Variants in ASIC2 observed in about 807,000 individuals in gnomAD.
The protein encoded by ASIC2 is acid sensing ion channel subunit 2, also known as acid-sensing ion channel 2.
In ASIC2, 25 loss-of-function variants were observed where a neutral mutation model predicts 57.3. That is an observed-to-expected ratio of 0.44 (90% CI 0.32 to 0.61). The LOEUF (loss-of-function observed/expected upper bound fraction) is 0.61, where lower values mean the gene tolerates loss of function less well. Among genes scored for constraint, ASIC2 ranks in the 20% least tolerant of loss-of-function variants. The pLI is 0.06. For missense variants in ASIC2, 641 were observed against 738.1 expected (o/e 0.87, Z 1.52); for synonymous variants, 319 against 307.5 (o/e 1.04, Z -0.39).
chr17:33,362,695 G>T (rs1237287268), intron 1 of ASIC2, among the ~76,000 whole-genome samples: 2 of 152,226 alleles, frequency 1.3e-5, no homozygotes, highest in Non-Finnish European at 2.9e-5. Flanking sequence ...ACTGACCCTT[G>T]TGCCTCTCCA....
intron 2 of ASIC2, among the ~76,000 whole-genome samples, chr17:33,096,875 G>A (rs1452842253): frequency 6.6e-6 from 1 of 152,200 alleles, no homozygotes; most frequent in South Asian, 2.1e-4. Flanking sequence ...ACACTGGGGC[G>A]CTTCAAGAAC....
chr17:33,118,266 G>A (rs1358959669), intron 1 of ASIC2, among the ~76,000 whole-genome samples: 1 of 152,164 alleles, frequency 6.6e-6, no homozygotes, highest in East Asian at 1.9e-4. Context: ...GAAATCACAG[G>A]CTGGCTTTGC....
At position 33,266,248 on chromosome 17, in the gene ASIC2, T is replaced by TC. The variant is rs1330828372; in HGVS notation, c.708+25159dup. On this transcript the variant is annotated intron_variant, in intron 1 of 9. Transcript: ENST00000225823. Reference sequence around the variant, plus strand: ...CACATGTGTTTTTATCCTCCCCCCATCCAGAACATAAACCCCAGGGGGCAG... The same window carrying TC: ...CACATGTGTTTTTATCCTCCCCCCATCCCAGAACATAAACCCCAGGGGGCAG... 3.3e-5 allele frequency among the ~76,000 whole-genome samples: 5 copies of TC among 152,094 alleles called. No homozygotes were observed. The East Asian group carries it at 9.6e-4, about 29-fold the overall frequency.
At chr17:33,706,848 T>C (rs1460032182) in intron 1 of ASIC2, among the ~76,000 whole-genome samples, 1 of 152,232 alleles carries the variant, frequency 6.6e-6, no homozygotes, top group East Asian at 1.9e-4. Flanking sequence ...GGTTGCTTTT[T>C]AGTATTTGTA....
chr17:33,268,331 C>T (rs1413974989), intron 1 of ASIC2, among the ~76,000 whole-genome samples: 2 of 148,578 alleles, frequency 1.3e-5, no homozygotes, highest in African/African-American at 5.0e-5. Context: ...ATCATCCATC[C>T]ATCTTTCCAT....
intron 1 of ASIC2, among the ~76,000 whole-genome samples, chr17:33,983,615 T>C (rs1267000074): frequency 1.3e-5 from 2 of 152,186 alleles, no homozygotes; most frequent in Non-Finnish European, 2.9e-5. Flanking sequence ...CAATGTACCA[T>C]GAGGCAACAG....
intron 1 of ASIC2, among the ~76,000 whole-genome samples, chr17:33,250,160 T>A (rs1339993875): frequency 6.6e-6 from 1 of 152,196 alleles, no homozygotes; most frequent in East Asian, 1.9e-4. Flanking sequence ...CCTAGGAAAG[T>A]AATACTATAC....
At chr17:33,228,669 C>T (rs1212234312) in intron 1 of ASIC2, among the ~76,000 whole-genome samples, 1 of 152,256 alleles carries the variant, frequency 6.6e-6, no homozygotes, top group Non-Finnish European at 1.5e-5. Context: ...AGTGACAACT[C>T]AGCCAGGCTG....
intron 1 of ASIC2, among the ~76,000 whole-genome samples, chr17:33,780,627 T>C (rs906979909): frequency 2.0e-5 from 3 of 152,190 alleles, no homozygotes; most frequent in Non-Finnish European, 2.9e-5. Context: ...AAATAGTAGG[T>C]GCAGTCCAAA....
intron 1 of ASIC2, among the ~76,000 whole-genome samples, chr17:33,547,498 C>T (rs1450280375): frequency 2.0e-5 from 3 of 152,146 alleles, no homozygotes; most frequent in African/African-American, 7.2e-5. Flanking sequence ...CCCTCATACC[C>T]TCCCAGGTAT....
chr17:33,429,881 A>T (rs779781619), intron 1 of ASIC2, among the ~76,000 whole-genome samples: 2 of 152,200 alleles, frequency 1.3e-5, no homozygotes, highest in Non-Finnish European at 2.9e-5. Flanking sequence ...GGGGTGGCCC[A>T]GTGGCAATTG....
At chr17:33,019,569 C>A (rs539624743) in intron 7 of ASIC2, among the ~76,000 whole-genome samples, 41 of 151,804 alleles carry the variant, frequency 2.7e-4, no homozygotes, top group Non-Finnish European at 1.6e-4. Flanking sequence ...TGCATGGACA[C>A]CAGGAGGTGA....
At chr17:34,109,942 G>T (rs1169828580) in intron 1 of ASIC2, among the ~76,000 whole-genome samples, 1 of 151,962 alleles carries the variant, frequency 6.6e-6, no homozygotes, top group Non-Finnish European at 1.5e-5. Context: ...GTGTGTGTGT[G>T]TTTGTGTGTG....
At chr17:33,725,761 T>C (rs1890431122) in intron 1 of ASIC2, among the ~76,000 whole-genome samples, 1 of 144,430 alleles carries the variant, frequency 6.9e-6, no homozygotes, top group African/African-American at 2.5e-5. Context: ...GTTAGTTTCT[T>C]AACTCAGAAC....
At chr17:34,107,555 T>C (rs919653282) in intron 1 of ASIC2, among the ~76,000 whole-genome samples, 5 of 152,126 alleles carry the variant, frequency 3.3e-5, no homozygotes, top group African/African-American at 1.2e-4. Flanking sequence ...TGTTCAGTTC[T>C]ACAGTATCTT....
Position 33,519,100 on chromosome 17 carries a change from G to A in ASIC2, c.556-407033C>T, listed in dbSNP as rs140002609. Among the ~76,000 whole-genome samples the A allele has an allele frequency of 3.6e-3, 543 of 152,296 alleles. 3 individuals are homozygous for A. Among genetic ancestry groups the A allele is most frequent in the African/African-American group, 0.012 (508 of 41,548 alleles). On this transcript the variant is annotated intron_variant, in intron 1 of 9. Coordinates refer to the ASIC2 transcript ENST00000359872. ...CTCCCAAAGTGCTGGGATTACAGGC[G>A]TGAGCCACCGCGCCGGGCCGATAAC...
chr17:33,856,998 C>T (rs1166554379), intron 1 of ASIC2, among the ~76,000 whole-genome samples: 2 of 152,040 alleles, frequency 1.3e-5, no homozygotes, highest in South Asian at 2.1e-4. Context: ...GGGACCCCAC[C>T]TAAGGAGGAT....
intron 1 of ASIC2, among the ~76,000 whole-genome samples, chr17:34,116,896 G>T (rs1478676179): frequency 6.6e-6 from 1 of 152,132 alleles, no homozygotes; most frequent in Non-Finnish European, 1.5e-5. Context: ...GTGGGTGGGT[G>T]GGTGTGTACC....
At chr17:33,174,714 T>C (rs1422031048) in intron 1 of ASIC2, among the ~76,000 whole-genome samples, 1 of 152,168 alleles carries the variant, frequency 6.6e-6, no homozygotes, top group Non-Finnish European at 1.5e-5. Context: ...TGTCCCTGCA[T>C]GGAGGACACT....
Sources: allele counts gnomAD v4.1 joint callset (sites outside exome capture counted in the v4.1 genomes callset), GRCh38; gene constraint gnomAD v4.1.1; transcripts MANE v1.5; gene names NCBI Gene and HGNC (gene_info 2026-07-23, HGNC 2026-07-21).